The following TPTE variants were observed in gnomAD, a reference collection of about 807,000 sequenced individuals.
TPTE encodes putative tyrosine-protein phosphatase TPTE.
A neutral mutation model predicts 84.1 loss-of-function variants in TPTE; 59 were observed. The observed-to-expected ratio is 0.70, with a 90% CI of 0.57 to 0.87. The LOEUF is 0.87. TPTE is among the 40% of genes least tolerant of loss of function. TPTE has a pLI of 0.00. For synonymous variants in TPTE, 130 were observed against 223.5 expected, an observed-to-expected ratio of 0.58 and a Z score of 3.73; for missense variants, 382 against 659.6, an observed-to-expected ratio of 0.58 and a Z score of 4.61.
Position 10,605,693 on chromosome 21 carries a change from T to G in TPTE, c.*141T>G. On this transcript the variant is annotated 3_prime_UTR_variant, in exon 24 of 24. Transcript: ENST00000618007. ...TATGTTTATATATGTTCTTCATAAA[T>G]CTATTACATATATATAGATAAAATG... 1 of 1,411,370 alleles carries G rather than the reference T, an allele frequency of 7.1e-7. No homozygotes were observed. Among genetic ancestry groups the G allele is most frequent in the Non-Finnish European group, 9.4e-7 (1 of 1,058,726 alleles). 87.4% of individuals were successfully genotyped at this position (1,411,370 alleles called of 1,614,324 possible). A position where few individuals can be genotyped will look rare whatever the true frequency, so the allele number is the denominator to read the frequency against.
chr21:10,549,823 G>T (rs1281909384), intron 7 of TPTE, among the ~76,000 whole-genome samples: 3 of 152,308 alleles, frequency 2.0e-5, no homozygotes, highest in African/African-American at 7.2e-5. Context: ...TAGACATCTA[G>T]TTCCAGGAAG....
intron 13 of TPTE, 88 bp downstream of exon 13, chr21:10,569,834 A>G: frequency 3.7e-6 from 6 of 1,611,682 alleles, no homozygotes; most frequent in Non-Finnish European, 3.4e-6. Flanking sequence ...AGACACATTC[A>G]TTCAAAATAT....
Position 10,537,392 on chromosome 21 carries a change from A to G in TPTE, c.-43-1289A>G, listed in dbSNP as rs1809763042. ...CAGTGAACTGTGAGACAGAAATAAT[A>G]TAGAGGCTGGCCGTGGTGGCTCACG... is the stretch of plus-strand genomic sequence containing the variant. On this transcript the variant is annotated intron_variant, in intron 3 of 23. Coordinates refer to ENST00000618007, the MANE Select transcript of TPTE (RefSeq NM_199261.4). 2.6e-5 allele frequency among the ~76,000 whole-genome samples: 4 copies of G among 152,430 alleles called. No homozygotes were observed. The South Asian group carries it at 6.2e-4, about 24-fold the overall frequency.
intron 10 of TPTE, among the ~76,000 whole-genome samples, chr21:10,566,983 A>AC: frequency 6.6e-6 from 1 of 151,954 alleles, no homozygotes. Context: ...ATCTCAAAAA[A>AC]AAAAAAAAAA....
intron 20 of TPTE, among the ~76,000 whole-genome samples, chr21:10,597,412 C>CTTTTTTTTTTTTTTTTTTT (rs146272836): frequency 7.1e-6 from 1 of 139,902 alleles, no homozygotes; most frequent in African/African-American, 2.6e-5. Flanking sequence ...TTTCTTTTTT[C>CTTTTTTTTTTTTTTTTTTT]TTTTTTTTTT....
At chr21:10,563,879 G>A (rs1330113668) in intron 10 of TPTE, among the ~76,000 whole-genome samples, 1 of 152,308 alleles carries the variant, frequency 6.6e-6, no homozygotes, top group South Asian at 2.1e-4. Context: ...GACCCATCCA[G>A]GTGTGGTGGC....
At chr21:10,570,374 A>G in intron 13 of TPTE, 111 bp from the exon 14 acceptor site, 1 of 1,568,130 alleles carries the variant, frequency 6.4e-7, no homozygotes, top group Non-Finnish European at 8.7e-7. Context: ...CCTCAATCTT[A>G]AAAGGTTTTT....
At chr21:10,565,390 A>G (rs1359130858) in intron 10 of TPTE, among the ~76,000 whole-genome samples, 2 of 152,310 alleles carry the variant, frequency 1.3e-5, no homozygotes, top group Non-Finnish European at 2.9e-5. Flanking sequence ...TTCCATGTTC[A>G]TGGATTGGAA....
chr21:10,596,360 T>G (rs2075589259), intron 20 of TPTE, among the ~76,000 whole-genome samples: 1 of 152,312 alleles, frequency 6.6e-6, no homozygotes, highest in African/African-American at 2.4e-5. Flanking sequence ...GCTCCTCTGG[T>G]CTCAACCCAG....
intron 14 of TPTE, among the ~76,000 whole-genome samples, chr21:10,571,576 T>C (rs1357983670): frequency 6.6e-6 from 1 of 152,306 alleles, no homozygotes; most frequent in Non-Finnish European, 1.5e-5. Context: ...AACTATGAGA[T>C]ACAGAGAATT....
intron 4 of TPTE, chr21:10,540,774 A>G (rs1372166748): frequency 1.9e-6 from 1 of 524,000 alleles, no homozygotes. Context: ...GTGATAGAGA[A>G]TGAGGAACTC....
intron 2 of TPTE, among the ~76,000 whole-genome samples, chr21:10,525,294 A>G (rs892553805): frequency 2.0e-5 from 3 of 152,312 alleles, no homozygotes; most frequent in African/African-American, 7.2e-5. Context: ...TTTTGGAGAC[A>G]GCCCACCCTT....
chr21:10,583,268 G>A (rs568875897), intron 17 of TPTE, among the ~76,000 whole-genome samples: 213 of 152,066 alleles, frequency 1.4e-3, no homozygotes, highest in African/African-American at 4.8e-3. Context: ...TTTATCTTTA[G>A]CCTTTGGGTG....
intron 17 of TPTE, among the ~76,000 whole-genome samples, chr21:10,583,409 C>A (rs1371256801): frequency 6.6e-6 from 1 of 152,304 alleles, no homozygotes; most frequent in African/African-American, 2.4e-5. Context: ...TTTTCTTAAC[C>A]ATTTTTCTCC....
intron 19 of TPTE, among the ~76,000 whole-genome samples, chr21:10,594,994 C>T (rs565444126): frequency 3.7e-4 from 57 of 152,312 alleles, no homozygotes; most frequent in Non-Finnish European, 4.0e-4. Flanking sequence ...ATCAACATTT[C>T]CCAATGGGTA....
chr21:10,541,070 AATTACGC>A, intron 4 of TPTE, 35 bp from the exon 5 acceptor site: 2 of 1,611,542 alleles, frequency 1.2e-6, no homozygotes, highest in Non-Finnish European at 1.7e-6. Flanking sequence ...AAAACATTAG[AATTACGC>A]ATTGGGTCTG....
chr21:10,537,716 A>G (rs1214637664), intron 3 of TPTE, among the ~76,000 whole-genome samples: 1 of 152,296 alleles, frequency 6.6e-6, no homozygotes, highest in Non-Finnish European at 1.5e-5. Flanking sequence ...GAAATAAATC[A>G]ATATAGATAT....
At chr21:10,574,534 G>A (rs1326503161) in intron 14 of TPTE, among the ~76,000 whole-genome samples, 8 of 152,296 alleles carry the variant, frequency 5.3e-5, no homozygotes, top group Non-Finnish European at 7.3e-5. Context: ...GCAGTCTGCC[G>A]CGCTCACAAA....
chr21:10,556,820 G>T (rs542469280), intron 8 of TPTE, among the ~76,000 whole-genome samples: 28 of 152,390 alleles, frequency 1.8e-4, no homozygotes, highest in African/African-American at 5.3e-4. Flanking sequence ...TCATGTGTCT[G>T]TTGGCTGCAT....
Sources: gnomAD v4.1 joint callset for allele counts (sites outside exome capture counted in the v4.1 genomes callset) on GRCh38, gnomAD v4.1.1 for gene constraint, MANE v1.5 for transcripts, NCBI Gene and HGNC (gene_info 2026-07-23, HGNC 2026-07-21) for gene names.